Variants in FKBP5 observed in about 807,000 individuals in gnomAD.
FKBP5 encodes peptidyl-prolyl cis-trans isomerase FKBP5.
In FKBP5, 23 loss-of-function variants were observed where a neutral mutation model predicts 50.5. That is an observed-to-expected ratio of 0.46 (90% CI 0.33 to 0.65). The LOEUF is 0.65. Ranked by LOEUF, FKBP5 falls within the 30% of genes least tolerant of loss-of-function variation. The pLI, the probability that FKBP5 is intolerant of heterozygous loss-of-function variation, is 0.02. For synonymous variants in FKBP5, 176 were observed against 190.6 expected, an observed-to-expected ratio of 0.92 and a Z score of 0.63; for missense variants, 411 against 553.1, an observed-to-expected ratio of 0.74 and a Z score of 2.58.
intron 1 of FKBP5, among the ~76,000 whole-genome samples, chr6:35,653,666 G>A (rs975207018): frequency 7.2e-5 from 11 of 152,070 alleles, no homozygotes; most frequent in African/African-American, 2.7e-4. Flanking sequence ...GGACCCTAAA[G>A]TACACTGGTT....
chr6:35,608,380 C>A (rs2150970618), intron 5 of FKBP5, among the ~76,000 whole-genome samples: 1 of 151,236 alleles, frequency 6.6e-6, no homozygotes, highest in African/African-American at 2.4e-5. Context: ...AATTAATCAG[C>A]ATAATCTCCC....
exon 1 of FKBP5, chr6:35,728,513 T>TG (rs1766773264): frequency 6.6e-6 from 1 of 152,400 alleles, no homozygotes; most frequent in African/African-American, 2.4e-5. Context: ...CTCACCCCTC[T>TG]GGGACGCCTC....
In FKBP5 at chr6:35,575,588, C is replaced by T. The variant is rs1464985742; in HGVS notation, c.*247G>A. 4 of 469,240 alleles carry T rather than the reference C, an allele frequency of 8.5e-6. No homozygotes were observed. The highest frequency in any genetic ancestry group is 1.6e-5 in the Non-Finnish European group (4 of 257,590). The allele number at this position is 469,240 out of a possible 1,614,324, so 29.1% of individuals were successfully genotyped here. A position where few individuals can be genotyped will look rare whatever the true frequency, so the allele number is the denominator to read the frequency against. On this transcript the variant is annotated 3_prime_UTR_variant, in exon 11 of 11. Transcript: ENST00000357266. ...AAATGAGCTGGACTTAAGCTGCTGG[C>T]TCACTCCCTCCACACCACAGTCATT...
chr6:35,586,993 A>T (rs2150956739), intron 8 of FKBP5, 41 bp downstream of exon 8: 2 of 1,613,470 alleles, frequency 1.2e-6, no homozygotes, highest in South Asian at 2.2e-5. Context: ...CACTTGAATA[A>T]ATTCTTTGAG....
At chr6:35,670,243 G>C (rs760527573) in intron 1 of FKBP5, among the ~76,000 whole-genome samples, 6 of 152,036 alleles carry the variant, frequency 3.9e-5, no homozygotes, top group Non-Finnish European at 8.8e-5. Flanking sequence ...CATGATTCAC[G>C]ATTCACTTTT....
At chr6:35,590,478 T>C (rs555333789) in intron 7 of FKBP5, among the ~76,000 whole-genome samples, 3 of 152,306 alleles carry the variant, frequency 2.0e-5, no homozygotes, top group African/African-American at 7.2e-5. Flanking sequence ...CCAGGTCGGC[T>C]GCTGCTGGGA....
chr6:35,597,260 T>C lies in FKBP5; in HGVS notation c.653A>G (p.Tyr218Cys), dbSNP rs1380641791. 8 of 1,614,046 alleles carry C rather than the reference T, an allele frequency of 5.0e-6. No homozygotes were observed. The highest frequency in any genetic ancestry group is 5.9e-6 in the Non-Finnish European group (7 of 1,179,980). The change falls in exon 6 of 11, where the codon TAT (tyrosine) becomes TGT (cysteine). Residue 218 changes from tyrosine to cysteine, a missense_variant. By Grantham distance (194) the Tyr-to-Cys change is radical (BLOSUM62 -2). Around this residue, in one of 3 missense-constraint regions of FKBP5, gnomAD observed 267 missense variants for 405.9 expected, o/e 0.66. Coordinates refer to ENST00000357266, the MANE Select transcript of FKBP5 (RefSeq NM_004117.4). Reference protein sequence around the residue: ...KMQREEQCILYLGPRYGFGEA... With the variant: ...KMQREEQCILCLGPRYGFGEA... ...GTATGCTGCTTACCTTGGTCCAAGA[T>C]ATAAAATACATTGTTCTTCCCGCTG...
chr6:35,625,532 T>C (rs1200476668), intron 3 of FKBP5, among the ~76,000 whole-genome samples: 1 of 151,114 alleles, frequency 6.6e-6, no homozygotes, highest in African/African-American at 2.4e-5. Context: ...GTCAGAGGAT[T>C]GAGACCATCC....
intron 1 of FKBP5, among the ~76,000 whole-genome samples, chr6:35,647,357 A>G (rs1208542293): frequency 6.6e-6 from 1 of 152,264 alleles, no homozygotes; most frequent in Non-Finnish European, 1.5e-5. Flanking sequence ...GTTGAACGAC[A>G]GGACTAAGTC....
At chr6:35,605,715 C>T (rs1203469478) in intron 5 of FKBP5, among the ~76,000 whole-genome samples, 2 of 151,954 alleles carry the variant, frequency 1.3e-5, no homozygotes, top group Admixed American at 6.6e-5. Context: ...TCATACTGAA[C>T]GGGCAAAAGT....
intron 8 of FKBP5, chr6:35,586,795 C>A (rs1479761753): frequency 7.2e-7 from 1 of 1,391,520 alleles, no homozygotes; most frequent in African/African-American, 1.5e-5. Context: ...ACCTGGTCTG[C>A]CTGTATGGAA....
At chr6:35,714,315 G>A (rs1561907467) in intron 2 of FKBP5, among the ~76,000 whole-genome samples, 2 of 130,520 alleles carry the variant, frequency 1.5e-5, no homozygotes, top group African/African-American at 3.0e-5. Context: ...AGCCGGGCGT[G>A]GTGGCATGTG....
At chr6:35,640,932 T>G (rs969286077) in intron 2 of FKBP5, among the ~76,000 whole-genome samples, 2 of 152,168 alleles carry the variant, frequency 1.3e-5, no homozygotes, top group East Asian at 3.8e-4. Context: ...ATAATAACAA[T>G]GCCTTCTTCT....
At chr6:35,685,158 T>C (rs193229228) in intron 1 of FKBP5, among the ~76,000 whole-genome samples, 1 of 152,356 alleles carries the variant, frequency 6.6e-6, no homozygotes, top group East Asian at 1.9e-4. Context: ...AGTGGAATTT[T>C]AGTGTTCTAA....
chr6:35,630,170 AAGAGAGAGAG>A (rs112790704), intron 3 of FKBP5, among the ~76,000 whole-genome samples: 6 of 146,640 alleles, frequency 4.1e-5, no homozygotes. Flanking sequence ...AGGAGGAAGA[AAGAGAGAGAG>A]AGAGAGAGAG....
Position 35,575,676 on chromosome 6 carries a change from G to A in FKBP5, c.*159C>T, listed in dbSNP as rs1291799572. ...TCAGTGAACCCTCCGGGCAGCAGCA[G>A]GGGGGCTGTTTTTGGGAAGCTACTG... is the stretch of plus-strand genomic sequence containing the variant. On this transcript the variant is annotated 3_prime_UTR_variant, in exon 11 of 11. Coordinates refer to ENST00000357266, the MANE Select transcript of FKBP5 (RefSeq NM_004117.4). 1.7e-5 allele frequency: 11 copies of A among 638,764 alleles called. No individual in the cohort carries two copies. The East Asian group carries it at 2.4e-4, about 14-fold the overall frequency. The allele number at this position is 638,764 out of a possible 1,614,324, so 39.6% of individuals were successfully genotyped here. A position where few individuals can be genotyped will look rare whatever the true frequency, so the allele number is the denominator to read the frequency against.
chr6:35,682,921 GAA>G (rs1301022759), intron 1 of FKBP5, among the ~76,000 whole-genome samples: 1 of 137,866 alleles, frequency 7.3e-6, no homozygotes, highest in Admixed American at 7.2e-5. Context: ...AAAAAAAAAA[GAA>G]AAAAAAGTAT....
At chr6:35,608,195 G>A (rs1036831111) in intron 5 of FKBP5, among the ~76,000 whole-genome samples, 5 of 152,050 alleles carry the variant, frequency 3.3e-5, no homozygotes, top group African/African-American at 1.2e-4. Flanking sequence ...ACATAAAGAT[G>A]AGGACAAGAG....
In FKBP5 at chr6:35,620,236, T is replaced by C. The variant is rs775322290; in HGVS notation, c.289A>G (p.Met97Val). ...AAATGGCATATCTCTCCTTTCTTCATGGTAGCCACCCCAATGTCCCATGCC... is the reference window on the plus strand; with the variant it reads ...AAATGGCATATCTCTCCTTTCTTCACGGTAGCCACCCCAATGTCCCATGCC... Reference protein sequence around the residue: ...IKAWDIGVATMKKGEICHLLC... With the variant: ...IKAWDIGVATVKKGEICHLLC... Residue 97 changes from methionine (M) to valine (V), a missense_variant, in exon 4 of 11, where the codon ATG becomes GTG. Transcript: ENST00000357266. 3.7e-6 allele frequency: 6 copies of C among 1,614,156 alleles called. No individual in the cohort carries two copies. Among genetic ancestry groups the C allele is most frequent in the Non-Finnish European group, 5.1e-6 (6 of 1,180,018 alleles).
Sources: allele counts gnomAD v4.1 joint callset (sites outside exome capture counted in the v4.1 genomes callset), GRCh38; gene constraint gnomAD v4.1.1; regional missense constraint gnomAD v4.1.1; transcripts MANE v1.5; gene names NCBI Gene and HGNC (gene_info 2026-07-23, HGNC 2026-07-21).